ANKRD12: variants seen among roughly 807,000 people sequenced by gnomAD.
ANKRD12 encodes the protein ankyrin repeat domain 12.
In ANKRD12, 85 loss-of-function variants were observed where a neutral mutation model predicts 183.4. The ratio of observed to expected loss-of-function variants is 0.46; its 90% CI spans 0.39 to 0.56. The LOEUF is 0.56. ANKRD12 is among the 20% of genes least tolerant of loss of function. ANKRD12 has a pLI of 0.00. For synonymous variants in ANKRD12, 914 were observed against 800.2 expected, an observed-to-expected ratio of 1.14 and a Z score of -2.40; for missense variants, 2,405 against 2,357.1, an observed-to-expected ratio of 1.02 and a Z score of -0.42.
chr18:9,273,438 C>G (rs2039695965), intron 10 of ANKRD12, among the ~76,000 whole-genome samples: 1 of 152,168 alleles, frequency 6.6e-6, no homozygotes, highest in East Asian at 1.9e-4. Context: ...CAAGGGCATA[C>G]CACTTCACGC....
chr18:9,258,962 G>GT lies in ANKRD12; in HGVS notation c.5664+32dup, dbSNP rs761840201. ...TAACATCATCACTTGCTATACACCTGTAACACTGCCCAATAGAAGTATAAT... is the reference window on the plus strand; with the variant it reads ...TAACATCATCACTTGCTATACACCTGTTAACACTGCCCAATAGAAGTATAAT... On this transcript the variant is annotated intron_variant, in intron 9 of 12. Transcript: ENST00000262126. 4 of 1,555,636 alleles carry GT rather than the reference G, an allele frequency of 2.6e-6. No homozygotes were observed. The African/African-American group carries it at 5.5e-5, about 21-fold the overall frequency.
chr18:9,137,921 C>G (rs1351751380), intron 1 of ANKRD12: 1 of 152,178 alleles, frequency 6.6e-6, no homozygotes. Context: ...CAGTAAGACG[C>G]TGTCTGGGAT....
rs1027478825 is a variant in ANKRD12, at chr18:9,284,953, T to C, written c.*3827T>C. The C allele has an allele frequency of 1.2e-4, 18 of 152,322 alleles. No individual in the cohort carries two copies. Among genetic ancestry groups the C allele is most frequent in the African/African-American group, 3.6e-4 (15 of 41,580 alleles). 9.4% of individuals were successfully genotyped at this position (152,322 alleles called of 1,614,324 possible). On this transcript the variant is annotated 3_prime_UTR_variant, in exon 13 of 13. Coordinates refer to ENST00000262126, the MANE Select transcript of ANKRD12 (RefSeq NM_015208.5). ...CAGGCGCAGTGGCTCGCGCCTGTAA[T>C]CCCAGCACTTTGGGAGGCCAAGGCG...
At chr18:9,143,176 G>T (rs1397872718) in intron 1 of ANKRD12, among the ~76,000 whole-genome samples, 2 of 152,162 alleles carry the variant, frequency 1.3e-5, no homozygotes, top group Non-Finnish European at 2.9e-5. Flanking sequence ...TATGTTACAT[G>T]TAAGTGTAGA....
chr18:9,182,355 T>G, intron 1 of ANKRD12, 27 bp from the exon 2 acceptor site: 1 of 553,854 alleles, frequency 1.8e-6, no homozygotes, highest in Non-Finnish European at 2.9e-6. Flanking sequence ...TATATTCAAA[T>G]AACCCTTATA....
intron 2 of ANKRD12, 24 bp downstream of exon 2, chr18:9,182,543 G>A: frequency 6.8e-7 from 1 of 1,478,222 alleles, no homozygotes. Context: ...CTAAAGATTT[G>A]TTGACTTTTT....
intron 3 of ANKRD12, among the ~76,000 whole-genome samples, chr18:9,199,810 A>C (rs989052797): frequency 4.7e-4 from 72 of 152,134 alleles, no homozygotes; most frequent in African/African-American, 1.6e-3. Context: ...TTCTTACATA[A>C]ATTTATTACT....
Position 9,254,426 on chromosome 18 carries a change from AAAG to A in ANKRD12, c.1162_1164del (p.Glu388del). 6.3e-7 allele frequency: 1 copy of A among 1,586,042 alleles called. No homozygotes were observed. The highest frequency in any genetic ancestry group is 8.5e-7 in the Non-Finnish European group (1 of 1,170,596). On this transcript the variant is annotated inframe_deletion, in exon 9 of 13. Coordinates refer to ENST00000262126, the MANE Select transcript of ANKRD12 (RefSeq NM_015208.5). ...GCATATTCTTAGGAAAGAACAACGA[AAAG>A]AAAATGAACCTGAAGCAGAAAAAAC...
Position 9,222,010 on chromosome 18 carries a change from G to C in ANKRD12, c.943+11G>C, listed in dbSNP as rs1451448423. On this transcript the variant is annotated intron_variant, in intron 8 of 12. Coordinates refer to ENST00000262126, the MANE Select transcript of ANKRD12 (RefSeq NM_015208.5). The stretch of plus-strand genomic sequence containing the variant: ...ATGAAAGTTACACAGGTTTGTTTCA[G>C]ATAATCTACATTCATCTGTTCGTTT... 4.3e-6 allele frequency: 7 copies of C among 1,612,806 alleles called. No homozygotes were observed. The highest frequency in any genetic ancestry group is 4.0e-5 in the African/African-American group (3 of 74,844).
intron 3 of ANKRD12, among the ~76,000 whole-genome samples, chr18:9,201,365 T>C (rs2035155289): frequency 6.6e-6 from 1 of 152,242 alleles, no homozygotes; most frequent in Non-Finnish European, 1.5e-5. Context: ...AATGTGAAAG[T>C]GTTAAACAGC....
intron 7 of ANKRD12, among the ~76,000 whole-genome samples, chr18:9,218,838 T>C: frequency 6.6e-6 from 1 of 151,962 alleles, no homozygotes; most frequent in Non-Finnish European, 1.5e-5. Context: ...AGGCTAATTT[T>C]TAATTTTTTT....
intron 8 of ANKRD12, among the ~76,000 whole-genome samples, chr18:9,222,616 G>A (rs924929634): frequency 3.3e-5 from 5 of 151,960 alleles, no homozygotes; most frequent in Non-Finnish European, 7.4e-5. Context: ...ACAAATGGCT[G>A]TTTCCTCGTA....
At chr18:9,248,331 G>T (rs906219896) in intron 8 of ANKRD12, among the ~76,000 whole-genome samples, 6 of 152,132 alleles carry the variant, frequency 3.9e-5, no homozygotes, top group Non-Finnish European at 8.8e-5. Context: ...TAAACTTGCT[G>T]TACAATTATT....
intron 8 of ANKRD12, among the ~76,000 whole-genome samples, chr18:9,248,066 G>A (rs2145088697): frequency 6.6e-6 from 1 of 152,356 alleles, no homozygotes; most frequent in African/African-American, 2.4e-5. Flanking sequence ...GGGATTACAG[G>A]CATGAGCCAC....
chr18:9,195,326 C>A (rs966643442), intron 2 of ANKRD12, among the ~76,000 whole-genome samples: 1 of 151,424 alleles, frequency 6.6e-6, no homozygotes, highest in African/African-American at 2.4e-5. Flanking sequence ...TACCCCTGAA[C>A]GTAAAATATT....
At chr18:9,179,502 A>C (rs1009017288) in intron 1 of ANKRD12, among the ~76,000 whole-genome samples, 2 of 152,026 alleles carry the variant, frequency 1.3e-5, no homozygotes, top group Admixed American at 1.3e-4. Flanking sequence ...TAATACACTA[A>C]ATTACATAGT....
chr18:9,256,682 A>C lies in ANKRD12; in HGVS notation c.3415A>C (p.Thr1139Pro). The change falls in exon 9 of 13, where the codon ACT becomes CCT. Residue 1139 changes from threonine (T) to proline (P), a missense_variant. This residue lies in a region of ANKRD12 where 1,983 missense variants were observed against 1,725.9 expected (regional missense o/e 1.15). Coordinates refer to ENST00000262126, the MANE Select transcript of ANKRD12 (RefSeq NM_015208.5). ...TPTESKNKEL[T>P]RSKSSEVTDA... Reference sequence around the variant, plus strand: ...AACTGAATCCAAAAATAAAGAACTTACTAGGTCAAAGAGTTCAGAAGTGAC... The same window carrying C: ...AACTGAATCCAAAAATAAAGAACTTCCTAGGTCAAAGAGTTCAGAAGTGAC... The C allele has an allele frequency of 6.2e-7, 1 of 1,606,624 alleles. No individual in the cohort carries two copies. The highest frequency in any genetic ancestry group is 1.3e-5 in the African/African-American group (1 of 74,336).
At chr18:9,226,154 TG>T (rs2036696740) in intron 8 of ANKRD12, among the ~76,000 whole-genome samples, 1 of 152,164 alleles carries the variant, frequency 6.6e-6, no homozygotes. Flanking sequence ...CCGGGCACGG[TG>T]GCTCACGCCT....
Position 9,257,186 on chromosome 18 carries a change from G to A in ANKRD12, c.3919G>A (p.Val1307Ile), listed in dbSNP as rs773669961. 41 of 1,614,026 alleles carry A rather than the reference G, an allele frequency of 2.5e-5. No homozygotes were observed. The Admixed American group carries it at 6.2e-4, about 24-fold the overall frequency. The change falls in exon 9 of 13, where the codon GTT becomes ATT. Residue 1307 changes from valine to isoleucine, a missense_variant. Around this residue, in one of 7 missense-constraint regions of ANKRD12, gnomAD observed 1,983 missense variants for 1,725.9 expected, o/e 1.15. Transcript: ENST00000262126. The part of the protein sequence containing the change: ...IISEGRPTIE[V>I]RRCSMPSVIC... ...AAGCGAGGGGAGACCTACCATAGAAGTTCGAAGATGTAGCATGCCTTCTGT... is the reference window on the plus strand; with the variant it reads ...AAGCGAGGGGAGACCTACCATAGAAATTCGAAGATGTAGCATGCCTTCTGT...
Sources: gnomAD v4.1 joint callset for allele counts (sites outside exome capture counted in the v4.1 genomes callset) on GRCh38, gnomAD v4.1.1 for gene constraint, gnomAD v4.1.1 regional missense constraint, MANE v1.5 for transcripts, NCBI Gene and HGNC (gene_info 2026-07-23, HGNC 2026-07-21) for gene names.